Variants in ADAM2 observed in about 807,000 individuals in gnomAD.
ADAM2 encodes the protein ADAM metallopeptidase domain 2, also known as disintegrin and metalloproteinase domain-containing protein 2.
Under a neutral mutation model 99.3 loss-of-function variants are expected in ADAM2, and 101 were observed. The observed-to-expected ratio is 1.02, with a 90% confidence interval of 0.87 to 1.20. The LOEUF (loss-of-function observed/expected upper bound fraction) is 1.20, where lower values mean the gene tolerates loss of function less well. Among genes scored for constraint, ADAM2 ranks in the 50% most tolerant of loss-of-function variants. The pLI, the probability that ADAM2 is intolerant of heterozygous loss-of-function variation, is 0.00. For synonymous variants in ADAM2, 323 were observed against 287.6 expected, an observed-to-expected ratio of 1.12 and a Z score of -1.25; for missense variants, 948 against 878.7, an observed-to-expected ratio of 1.08 and a Z score of -1.00.
intron 7 of ADAM2, among the ~76,000 whole-genome samples, chr8:39,794,740 C>A (rs566567866): frequency 6.6e-6 from 1 of 152,136 alleles, no homozygotes; most frequent in Admixed American, 6.6e-5. Context: ...CATGCACACC[C>A]CCTTAGAGTT....
At chr8:39,823,127 C>T (rs1243579439) in intron 4 of ADAM2, among the ~76,000 whole-genome samples, 2 of 152,030 alleles carry the variant, frequency 1.3e-5, no homozygotes, top group African/African-American at 2.4e-5. Context: ...GTAATTTTAC[C>T]TTTTAATTAT....
At chr8:39,796,171 T>A (rs571568571) in intron 7 of ADAM2, among the ~76,000 whole-genome samples, 7 of 151,588 alleles carry the variant, frequency 4.6e-5, no homozygotes, top group Non-Finnish European at 1.0e-4. Context: ...TATTGACTCA[T>A]CCTCTAAGTT....
chr8:39,769,309 A>T, intron 12 of ADAM2, 83 bp downstream of exon 12: 1 of 1,095,656 alleles, frequency 9.1e-7, no homozygotes, highest in Non-Finnish European at 1.3e-6. Flanking sequence ...TTGATGAATT[A>T]AGGAAAATGG....
At chr8:39,815,930 C>A (rs1226712707) in intron 6 of ADAM2, among the ~76,000 whole-genome samples, 1 of 151,788 alleles carries the variant, frequency 6.6e-6, no homozygotes, top group African/African-American at 2.4e-5. Context: ...ATAGTTCCAC[C>A]ACAATTAGAT....
chr8:39,758,900 G>T (rs1802250754), intron 15 of ADAM2, among the ~76,000 whole-genome samples: 2 of 152,052 alleles, frequency 1.3e-5, no homozygotes, highest in South Asian at 4.1e-4. Flanking sequence ...CAATTATTGT[G>T]TCTAAACTGA....
intron 3 of ADAM2, among the ~76,000 whole-genome samples, chr8:39,828,513 G>A (rs999713665): frequency 6.6e-6 from 1 of 151,754 alleles, no homozygotes; most frequent in East Asian, 1.9e-4. Flanking sequence ...GAAGAAAAAA[G>A]AGGAATATAA....
At chr8:39,830,115 C>A (rs938822884) in intron 3 of ADAM2, among the ~76,000 whole-genome samples, 1 of 152,050 alleles carries the variant, frequency 6.6e-6, no homozygotes, top group Admixed American at 6.6e-5. Context: ...TATTTAACTG[C>A]ATAAACATAT....
chr8:39,789,531 C>T (rs947719125), intron 7 of ADAM2, among the ~76,000 whole-genome samples: 5 of 151,742 alleles, frequency 3.3e-5, no homozygotes, highest in African/African-American at 1.2e-4. Context: ...ATTCACATAT[C>T]TCAATTTCAA....
In ADAM2 at chr8:39,746,570, G is replaced by T; in HGVS notation, c.2076C>A (p.Phe692Leu). ...CACAGAAAATAATAAAGAAAGGAAT[G>T]AATAAGAAAAATGGCCATCTCATTG... Reference protein sequence around the residue: ...SKPMRWPFFLFIPFFIIFCVL... With the variant: ...SKPMRWPFFLLIPFFIIFCVL... The change falls in exon 19 of 21, where the codon TTC (phenylalanine) becomes TTA (leucine). Residue 692 changes from phenylalanine to leucine, a missense_variant. By Grantham distance (22) the Phe-to-Leu change is conservative. Transcript: ENST00000265708. 1 of 1,606,648 alleles carries T rather than the reference G, an allele frequency of 6.2e-7. No homozygotes were observed. The highest frequency in any genetic ancestry group is 8.5e-7 in the Non-Finnish European group (1 of 1,176,404).
chr8:39,814,985 T>G (rs1804879460), intron 6 of ADAM2, among the ~76,000 whole-genome samples: 1 of 152,018 alleles, frequency 6.6e-6, no homozygotes. Context: ...ACAGCATTAT[T>G]GCAGAAAATA....
chr8:39,827,040 C>T (rs1421043845), intron 3 of ADAM2, among the ~76,000 whole-genome samples: 1 of 126,136 alleles, frequency 7.9e-6, no homozygotes, highest in Admixed American at 7.9e-5. Context: ...GGAATACAAA[C>T]AACTCAGAAA....
In ADAM2 at chr8:39,769,548, A is replaced by C. The variant is rs746073857; in HGVS notation, c.1056T>G (p.Ser352Arg). 1 of 1,613,750 alleles carries C rather than the reference A, an allele frequency of 6.2e-7. No individual in the cohort carries two copies. The highest frequency in any genetic ancestry group is 8.5e-7 in the Non-Finnish European group (1 of 1,179,730). ...GTGCAAAGTCTTCGAAGCTGCAGTT[A>C]CTAAAGATCTTCACACCACTGAAAT... is the stretch of plus-strand genomic sequence containing the variant. ...AIHFSGVKIFSNCSFEDFAHF... is the reference protein window; with the variant it reads ...AIHFSGVKIFRNCSFEDFAHF... Residue 352 changes from serine to arginine, a missense_variant, in exon 12 of 21, where the codon AGT becomes AGG. Coordinates refer to ENST00000265708, the MANE Select transcript of ADAM2 (RefSeq NM_001464.5).
At chr8:39,766,123 A>T (rs1802558871) in intron 14 of ADAM2, among the ~76,000 whole-genome samples, 1 of 152,204 alleles carries the variant, frequency 6.6e-6, no homozygotes, top group African/African-American at 2.4e-5. Context: ...TTGTTTCCAC[A>T]GGTGATTTTA....
At chr8:39,767,959 G>C (rs1360015132) in intron 12 of ADAM2, among the ~76,000 whole-genome samples, 1 of 151,406 alleles carries the variant, frequency 6.6e-6, no homozygotes, top group Non-Finnish European at 1.5e-5. Flanking sequence ...ATTTAAAATA[G>C]GGTAAATTGG....
chr8:39,767,251 C>T lies in ADAM2; in HGVS notation c.1213G>A (p.Asp405Asn). The change falls in exon 13 of 21, where the codon GAT (aspartate) becomes AAT (asparagine). Residue 405 changes from aspartate (D) to asparagine (N), a missense_variant and splice_region_variant. Physicochemically the swap from Asp to Asn is conservative, Grantham distance 23. Transcript: ENST00000265708. ...CATGTTTCTCCAATAAGGGCACAAT[C>T]CTGTAAGGCAAATCAAATGCTCTGA... is the stretch of plus-strand genomic sequence containing the variant. ...GEECDCGTEQ[D>N]CALIGETCCD... 1 of 1,600,686 alleles carries T rather than the reference C, an allele frequency of 6.2e-7. No homozygotes were observed. Among genetic ancestry groups the T allele is most frequent in the Non-Finnish European group, 8.5e-7 (1 of 1,174,354 alleles).
At chr8:39,780,730 T>C (rs1296956357) in intron 10 of ADAM2, among the ~76,000 whole-genome samples, 3 of 152,218 alleles carry the variant, frequency 2.0e-5, no homozygotes, top group Non-Finnish European at 4.4e-5. Flanking sequence ...TCTTAAGTAA[T>C]AGAAACAAAA....
chr8:39,825,898 T>C (rs1268058005), intron 3 of ADAM2, among the ~76,000 whole-genome samples: 6 of 152,172 alleles, frequency 3.9e-5, no homozygotes, highest in South Asian at 2.1e-4. Context: ...TTTAGCATTG[T>C]TTTTTATTTA....
At chr8:39,804,947 G>A (rs1190901321) in intron 7 of ADAM2, among the ~76,000 whole-genome samples, 2 of 152,028 alleles carry the variant, frequency 1.3e-5, no homozygotes, top group African/African-American at 4.8e-5. Context: ...GTCCATTCAG[G>A]CTGCTATAAC....
intron 10 of ADAM2, among the ~76,000 whole-genome samples, chr8:39,786,767 T>C (rs1803482485): frequency 6.6e-6 from 1 of 152,136 alleles, no homozygotes; most frequent in Non-Finnish European, 1.5e-5. Flanking sequence ...CTAGAAAGGA[T>C]ATCTTGAACT....
Sources: gnomAD v4.1 joint callset for allele counts (sites outside exome capture counted in the v4.1 genomes callset) on GRCh38, gnomAD v4.1.1 for gene constraint, MANE v1.5 for transcripts, NCBI Gene and HGNC (gene_info 2026-07-23, HGNC 2026-07-21) for gene names.